DNAH11: variants seen among roughly 807,000 people sequenced by gnomAD.
The protein encoded by DNAH11 is dynein axonemal heavy chain 11, also known as axonemal beta dynein heavy chain 11.
A neutral mutation model predicts 526.0 loss-of-function variants in DNAH11; 442 were observed. The observed-to-expected ratio is 0.84, with a 90% CI of 0.78 to 0.91. DNAH11 has a LOEUF of 0.91. DNAH11 is among the 40% of genes least tolerant of loss of function. The pLI, the probability that DNAH11 is intolerant of heterozygous loss-of-function variation, is 0.00. For missense variants in DNAH11, 6,989 were observed against 5,448.7 expected (o/e 1.28, Z -8.90); for synonymous variants, 2,461 against 1,935.9 (o/e 1.27, Z -7.12).
Position 21,756,244 on chromosome 7 carries a change from C to T in DNAH11, c.8940+5880C>T, listed in dbSNP as rs539945201. Among the ~76,000 whole-genome samples, 22 of 152,120 alleles carry T rather than the reference C, an allele frequency of 1.4e-4. No individual in the cohort carries two copies. The South Asian group carries it at 3.9e-3, about 27-fold the overall frequency. On this transcript the variant is annotated intron_variant, in intron 54 of 81. Coordinates refer to ENST00000409508, the MANE Select transcript of DNAH11 (RefSeq NM_001277115.2). Reference sequence around the variant, plus strand: ...ATAAGATGGCTTTCCTACTGTTCCACCCCTGAATACCCTCAACACCGTTTA... The same window carrying T: ...ATAAGATGGCTTTCCTACTGTTCCATCCCTGAATACCCTCAACACCGTTTA...
chr7:21,769,337 C>G (rs1291645222), intron 55 of DNAH11, among the ~76,000 whole-genome samples: 1 of 152,178 alleles, frequency 6.6e-6, no homozygotes, highest in African/African-American at 2.4e-5. Flanking sequence ...GTGTAATTGA[C>G]TTAAATGGAG....
At chr7:21,589,093 C>G (rs753492687) in intron 11 of DNAH11, 115 bp from the exon 12 acceptor site, 2 of 801,212 alleles carry the variant, frequency 2.5e-6, no homozygotes, top group East Asian at 3.3e-5. Context: ...TTGACTGTTT[C>G]TCTTCCTGGT....
At chr7:21,617,517 T>C in intron 22 of DNAH11, 102 bp from the exon 23 acceptor site, 2 of 1,363,148 alleles carry the variant, frequency 1.5e-6, no homozygotes, top group Non-Finnish European at 2.0e-6. Flanking sequence ...TTTCACTCTT[T>C]TCTAATCCAG....
rs1784869701 is a variant in DNAH11, at chr7:21,901,665, A to AAATT, written c.*414_*417dup. 4 of 157,350 alleles carry AAATT rather than the reference A, an allele frequency of 2.5e-5. No individual in the cohort carries two copies. The highest frequency in any genetic ancestry group is 9.6e-5 in the African/African-American group (4 of 41,592). The allele number at this position is 157,350 out of a possible 1,614,324, so 9.7% of individuals were successfully genotyped here. Reference sequence around the variant, plus strand: ...GAGATTTTAATTTTTAACAAACAACAAATTAAATTATTAGCCCTTAAACTC... The same window carrying AAATT: ...GAGATTTTAATTTTTAACAAACAACAAATTAATTAAATTATTAGCCCTTAAACTC... On this transcript the variant is annotated 3_prime_UTR_variant, in exon 82 of 82. Coordinates refer to ENST00000409508, the MANE Select transcript of DNAH11 (RefSeq NM_001277115.2).
At chr7:21,678,256 G>A (rs1223227085) in intron 30 of DNAH11, among the ~76,000 whole-genome samples, 2 of 151,386 alleles carry the variant, frequency 1.3e-5, no homozygotes, top group African/African-American at 4.9e-5. Flanking sequence ...TGTGTGTATA[G>A]TGTAAGGGTC....
intron 18 of DNAH11, among the ~76,000 whole-genome samples, chr7:21,603,065 C>A (rs144641866): frequency 6.6e-6 from 1 of 152,274 alleles, no homozygotes; most frequent in Admixed American, 6.5e-5. Context: ...CCTTGCAAAC[C>A]CCTACCCACC....
Position 21,707,726 on chromosome 7 carries a change from G to A in DNAH11, c.6574G>A (p.Val2192Ile), listed in dbSNP as rs996336216. The A allele has an allele frequency of 1.9e-6, 3 of 1,613,334 alleles. No individual in the cohort carries two copies. The highest frequency in any genetic ancestry group is 2.5e-6 in the Non-Finnish European group (3 of 1,179,590). Residue 2192 changes from valine to isoleucine, a missense_variant, in exon 40 of 82, where the codon GTT (valine) becomes ATT (isoleucine). By Grantham distance (29) the Val-to-Ile change is conservative. Transcript: ENST00000409508. ...KILRTLNRTYVNMKQKPVWND... is the reference protein window; with the variant it reads ...KILRTLNRTYINMKQKPVWND... ...TTTGAGAACACTGAACCGAACATAT[G>A]TTAACATGAAACAGAAGCCGGTTTG...
At chr7:21,702,621 CT>C in intron 36 of DNAH11, 88 bp from the exon 37 acceptor site, 4 of 1,067,760 alleles carry the variant, frequency 3.7e-6, no homozygotes, top group Non-Finnish European at 5.6e-6. Flanking sequence ...ATCTGAACTC[CT>C]TCTTAAAAAC....
chr7:21,673,168 T>C (rs966404422), intron 30 of DNAH11, among the ~76,000 whole-genome samples: 1 of 152,188 alleles, frequency 6.6e-6, no homozygotes, highest in Admixed American at 6.5e-5. Context: ...ACCACAATCA[T>C]TGGAGGCCAG....
At chr7:21,607,941 A>C (rs1160081053) in intron 20 of DNAH11, among the ~76,000 whole-genome samples, 1 of 147,862 alleles carries the variant, frequency 6.8e-6, no homozygotes, top group Non-Finnish European at 1.5e-5. Context: ...CATCTCAAAA[A>C]AAAAAAAAAA....
rs769370755 is a variant in DNAH11 at position 21,683,865 on chromosome 7, A to G, written c.5542A>G (p.Ile1848Val). The G allele has an allele frequency of 8.7e-6, 14 of 1,613,762 alleles. No individual in the cohort carries two copies. The highest frequency in any genetic ancestry group is 1.2e-5 in the Non-Finnish European group (14 of 1,179,730). ...TACCCAGAAACACTGCTTTGTTAAT[A>G]TTTGTGATGCCCAGTTCCAGTACTT... ...EDTQKHCFVN[I>V]CDAQFQYFYE... is the part of the protein sequence containing the mutation. Residue 1848 changes from isoleucine (I) to valine (V), a missense_variant, in exon 32 of 82, where the codon ATT (isoleucine) becomes GTT (valine). Transcript: ENST00000409508.
chr7:21,764,351 A>C (rs1787074763), intron 54 of DNAH11, among the ~76,000 whole-genome samples: 1 of 152,210 alleles, frequency 6.6e-6, no homozygotes, highest in South Asian at 2.1e-4. Flanking sequence ...TATAGGTAAA[A>C]AAAATCACAT....
In DNAH11 at chr7:21,570,342, G is replaced by A. The variant is rs779018295; in HGVS notation, c.1425+43G>A. ...TTATTTATTCATGTTGAAGGTGGGT[G>A]CAAAAAGCCAGTAGCTTTTCACATG... On this transcript the variant is annotated intron_variant, in intron 7 of 81. Transcript: ENST00000409508. 9 of 1,502,570 alleles carry A rather than the reference G, an allele frequency of 6.0e-6. No homozygotes were observed. The Admixed American group carries it at 1.0e-4, about 17-fold the overall frequency. 93.1% of individuals were successfully genotyped at this position (1,502,570 alleles called of 1,614,324 possible).
chr7:21,856,905 C>T (rs1476815801), intron 68 of DNAH11, among the ~76,000 whole-genome samples: 1 of 152,106 alleles, frequency 6.6e-6, no homozygotes, highest in East Asian at 1.9e-4. Flanking sequence ...GAATGCTTTT[C>T]GCTAAAATCA....
chr7:21,901,356 TCA>T lies in DNAH11; in HGVS notation c.*106_*107del. 1 of 1,391,336 alleles carries T rather than the reference TCA, an allele frequency of 7.2e-7. No homozygotes were observed. Among genetic ancestry groups the T allele is most frequent in the Non-Finnish European group, 9.4e-7 (1 of 1,062,138 alleles). 86.2% of individuals were successfully genotyped at this position (1,391,336 alleles called of 1,614,324 possible). A position where few individuals can be genotyped will look rare whatever the true frequency, so the allele number is the denominator to read the frequency against. ...CACATTATTCTAACTTTTTAGTAAC[TCA>T]CACGTGCATTCTTTTTTCAACGCTA... On this transcript the variant is annotated 3_prime_UTR_variant, in exon 82 of 82. Coordinates refer to ENST00000409508, the MANE Select transcript of DNAH11 (RefSeq NM_001277115.2).
intron 32 of DNAH11, among the ~76,000 whole-genome samples, chr7:21,686,054 G>T (rs545709956): frequency 6.6e-6 from 1 of 152,302 alleles, no homozygotes; most frequent in Non-Finnish European, 1.5e-5. Flanking sequence ...TTCCTAGTCT[G>T]GGAGCCTTTT....
At position 21,724,777 on chromosome 7, in the gene DNAH11, T is replaced by TGGGCCAGGTCATCCTATGAATATAGGGGA. The variant is rs1785022439; in HGVS notation, c.7267-1034_7267-1033insGGGCCAGGTCATCCTATGAATATAGGGGA. Among the ~76,000 whole-genome samples, 4 of 71,868 alleles carry TGGGCCAGGTCATCCTATGAATATAGGGGA rather than the reference T, an allele frequency of 5.6e-5. 1 individual carries two copies. Among genetic ancestry groups the TGGGCCAGGTCATCCTATGAATATAGGGGA allele is most frequent in the African/African-American group, 1.8e-4 (4 of 22,360 alleles). 47.1% of individuals were successfully genotyped at this position (71,868 alleles called of 152,430 possible). ...CCAGGTCATCCTATGAATATAGGAGTCACTGGGCCAGGTCATCCTGTGGAT... is the reference window on the plus strand; with the variant it reads ...CCAGGTCATCCTATGAATATAGGAGTGGGCCAGGTCATCCTATGAATATAGGGGACACTGGGCCAGGTCATCCTGTGGAT... On this transcript the variant is annotated intron_variant, in intron 44 of 81. Coordinates refer to ENST00000409508, the MANE Select transcript of DNAH11 (RefSeq NM_001277115.2).
chr7:21,888,405 G>C (rs1784207434), intron 76 of DNAH11, among the ~76,000 whole-genome samples: 1 of 152,164 alleles, frequency 6.6e-6, no homozygotes, highest in African/African-American at 2.4e-5. Flanking sequence ...TAATCTCATG[G>C]AGTCCAACAT....
chr7:21,643,088 G>T (rs981310115), intron 28 of DNAH11, among the ~76,000 whole-genome samples: 1 of 152,144 alleles, frequency 6.6e-6, no homozygotes, highest in African/African-American at 2.4e-5. Context: ...AAACTTAAAG[G>T]TGTATTTGCA....
Sources: gnomAD v4.1 joint callset for allele counts (sites outside exome capture counted in the v4.1 genomes callset) on GRCh38, gnomAD v4.1.1 for gene constraint, MANE v1.5 for transcripts, NCBI Gene and HGNC (gene_info 2026-07-23, HGNC 2026-07-21) for gene names.